USH2A: variants seen among roughly 807,000 people sequenced by gnomAD.
USH2A encodes Usher syndrome 2A (autosomal recessive, mild).
Under a neutral mutation model 538.9 loss-of-function variants are expected in USH2A, and 443 were observed. That is an observed-to-expected ratio of 0.82 (90% CI 0.76 to 0.89). The LOEUF (loss-of-function observed/expected upper bound fraction) is 0.89, where lower values mean the gene tolerates loss of function less well. USH2A is among the 40% of genes least tolerant of loss of function. The pLI is 0.00. For synonymous variants in USH2A, 2,413 were observed against 2,273.5 expected, an observed-to-expected ratio of 1.06 and a Z score of -1.75; for missense variants, 6,633 against 6,324.8, an observed-to-expected ratio of 1.05 and a Z score of -1.65.
At chr1:215,651,022 T>C (rs1558038199) in intron 64 of USH2A, among the ~76,000 whole-genome samples, 1 of 152,146 alleles carries the variant, frequency 6.6e-6, no homozygotes, top group Non-Finnish European at 1.5e-5. Flanking sequence ...CCTTTGACCA[T>C]GTGAACACAA....
At chr1:216,219,126 G>C (rs2035403528) in intron 14 of USH2A, among the ~76,000 whole-genome samples, 1 of 151,998 alleles carries the variant, frequency 6.6e-6, no homozygotes, top group Admixed American at 6.6e-5. Flanking sequence ...TACATTTAGA[G>C]TAATAGCTTC....
rs565452204 is a variant in USH2A, at chr1:216,032,132, C to T, written c.6325+14299G>A. On this transcript the variant is annotated intron_variant, in intron 32 of 71. Transcript: ENST00000307340. ...TAAATAACTTCTAACCTCTGAGGTA[C>T]ATAGTACCTGCTCAACAAATATTTT... Among the ~76,000 whole-genome samples, 44 of 152,202 alleles carry T rather than the reference C, an allele frequency of 2.9e-4. No homozygotes were observed. In the Middle Eastern group the frequency reaches 0.014, roughly 47 times the overall value.
intron 30 of USH2A, among the ~76,000 whole-genome samples, chr1:216,055,096 C>A (rs981280514): frequency 2.6e-5 from 4 of 151,966 alleles, no homozygotes; most frequent in African/African-American, 9.7e-5. Context: ...TCTTTATATT[C>A]TACTGCATCT....
At chr1:215,891,399 G>A (rs1232990221) in intron 40 of USH2A, among the ~76,000 whole-genome samples, 3 of 152,128 alleles carry the variant, frequency 2.0e-5, no homozygotes, top group Non-Finnish European at 4.4e-5. Context: ...GTTAAAACCT[G>A]ACTCCTGGCA....
chr1:215,805,510 G>A (rs552633051), intron 49 of USH2A, among the ~76,000 whole-genome samples: 1 of 151,956 alleles, frequency 6.6e-6, no homozygotes, highest in South Asian at 2.1e-4. Context: ...ATGGATGGTG[G>A]TAATGATTGT....
rs868768140 is a variant in USH2A at position 216,089,059 on chromosome 1, A to G, written c.4839T>C (p.Ile1613=). 6.2e-7 allele frequency: 1 copy of G among 1,613,530 alleles called. No homozygotes were observed. Among genetic ancestry groups the G allele is most frequent in the Middle Eastern group, 1.7e-4 (1 of 6,052 alleles). ...SDGKWHEIIA[I]RHQAFGQITL... is the part of the protein sequence containing the mutation. Reference sequence around the variant, plus strand: ...TGATTTGGCCAAAAGCCTGATGCCTAATAGCAATTATTTCATGCCATTTTC... The same window carrying G: ...TGATTTGGCCAAAAGCCTGATGCCTGATAGCAATTATTTCATGCCATTTTC... Residue 1613 remains isoleucine, a synonymous_variant, in exon 23 of 72, where the codon ATT becomes ATC. Coordinates refer to ENST00000307340, the MANE Select transcript of USH2A (RefSeq NM_206933.4).
chr1:215,868,513 T>A (rs1571763900), intron 43 of USH2A, among the ~76,000 whole-genome samples: 2 of 152,180 alleles, frequency 1.3e-5, no homozygotes, highest in South Asian at 4.1e-4. Context: ...TCTTCTCAGG[T>A]GTTTAATGCC....
At chr1:215,687,118 T>C (rs1271125288) in intron 61 of USH2A, among the ~76,000 whole-genome samples, 1 of 152,060 alleles carries the variant, frequency 6.6e-6, no homozygotes, top group Non-Finnish European at 1.5e-5. Flanking sequence ...AAGGACACTA[T>C]TGACGACTGG....
intron 21 of USH2A, among the ~76,000 whole-genome samples, chr1:216,105,075 G>A (rs867364630): frequency 2.6e-5 from 4 of 152,024 alleles, no homozygotes; most frequent in Non-Finnish European, 4.4e-5. Context: ...TTCATCACTG[G>A]CCATCAGAGA....
chr1:215,812,140 C>G (rs933882877), intron 49 of USH2A, among the ~76,000 whole-genome samples: 2 of 150,942 alleles, frequency 1.3e-5, no homozygotes, highest in African/African-American at 4.9e-5. Context: ...GCCTGCCACA[C>G]GCCCAGTTAA....
chr1:216,400,905 T>A (rs1393584224), intron 3 of USH2A, among the ~76,000 whole-genome samples: 2 of 152,116 alleles, frequency 1.3e-5, no homozygotes, highest in Non-Finnish European at 2.9e-5. Context: ...AGAGTATTTG[T>A]TTTCATCAAA....
chr1:216,210,232 T>A (rs2035210162), intron 15 of USH2A, among the ~76,000 whole-genome samples: 1 of 151,954 alleles, frequency 6.6e-6, no homozygotes, highest in Non-Finnish European at 1.5e-5. Flanking sequence ...AGGGTCGTGA[T>A]CAACTAAGTA....
chr1:216,304,560 T>G (rs2037278705), intron 9 of USH2A, among the ~76,000 whole-genome samples: 1 of 151,374 alleles, frequency 6.6e-6, no homozygotes, highest in South Asian at 2.1e-4. Flanking sequence ...TCAATAAGAG[T>G]GGGTTTGGTT....
intron 4 of USH2A, among the ~76,000 whole-genome samples, chr1:216,349,760 G>GGGTT (rs1432678437): frequency 6.6e-6 from 1 of 152,122 alleles, no homozygotes; most frequent in East Asian, 1.9e-4. Flanking sequence ...CCATAAAAAT[G>GGGTT]GGCAACCAGC....
chr1:215,845,207 A>G (rs1663807172), intron 45 of USH2A, among the ~76,000 whole-genome samples: 1 of 152,138 alleles, frequency 6.6e-6, no homozygotes, highest in Admixed American at 6.6e-5. Flanking sequence ...GGCACCACAA[A>G]GGGAAATGGG....
rs1659893371 is a variant in USH2A at position 215,728,333 on chromosome 1, T to C, written c.11763A>G (p.Gly3921=). The change falls in exon 61 of 72, where the codon GGA becomes GGG. Residue 3921 remains glycine (G), a synonymous_variant. Transcript: ENST00000307340. Reference sequence around the variant, plus strand: ...CTCCTTCATCCATAAATTCAAGGGCTCCTTCTGACCAGACAAATAAAACAG... The same window carrying C: ...CTCCTTCATCCATAAATTCAAGGGCCCCTTCTGACCAGACAAATAAAACAG... ...EESVLFVWSE[G]ALEFMDEGDT... The C allele has an allele frequency of 6.2e-7, 1 of 1,614,168 alleles. No individual in the cohort carries two copies. Among genetic ancestry groups the C allele is most frequent in the East Asian group, 2.2e-5 (1 of 44,884 alleles).
At chr1:215,649,028 A>G (rs1161354228) in intron 65 of USH2A, among the ~76,000 whole-genome samples, 2 of 152,218 alleles carry the variant, frequency 1.3e-5, no homozygotes, top group Non-Finnish European at 2.9e-5. Flanking sequence ...GCATAATATT[A>G]TCGATTATCT....
chr1:216,382,874 G>T (rs2038944187), intron 3 of USH2A, among the ~76,000 whole-genome samples: 1 of 151,868 alleles, frequency 6.6e-6, no homozygotes, highest in African/African-American at 2.4e-5. Context: ...AAACTATATT[G>T]GTCACTAAAT....
rs778757759 is a variant in USH2A at position 216,292,341 on chromosome 1, G to A, written c.1674C>T (p.Asp558=). The stretch of plus-strand genomic sequence containing the variant: ...CTTGATCACCTTGGCGGAAAGGCTT[G>A]TCATTATAAAGAGGCAAGCAGCGAT... The part of the protein sequence containing the change: ...HCDRCLPLYN[D]KPFRQGDQVY... Residue 558 remains aspartate, a synonymous_variant, in exon 10 of 72, where the codon GAC becomes GAT. Coordinates refer to ENST00000307340, the MANE Select transcript of USH2A (RefSeq NM_206933.4). 1.1e-5 allele frequency: 17 copies of A among 1,613,818 alleles called. No homozygotes were observed. In the African/African-American group the frequency reaches 2.3e-4, roughly 22 times the overall value.
Sources: allele counts gnomAD v4.1 joint callset (sites outside exome capture counted in the v4.1 genomes callset), GRCh38; gene constraint gnomAD v4.1.1; transcripts MANE v1.5; gene names NCBI Gene and HGNC (gene_info 2026-07-23, HGNC 2026-07-21).